Variants in SLC39A12 observed in about 807,000 individuals in gnomAD.
The protein encoded by SLC39A12 is zinc transporter ZIP12.
A neutral mutation model predicts 71.1 loss-of-function variants in SLC39A12; 63 were observed. The observed-to-expected ratio is 0.89, with a 90% CI of 0.72 to 1.09. The LOEUF (loss-of-function observed/expected upper bound fraction) is 1.09. SLC39A12 is among the 50% of genes least tolerant of loss of function. The probability of loss-of-function intolerance (pLI) is 0.00; values close to 1 mark genes in which losing one functional copy is unlikely to be tolerated. For missense variants in SLC39A12, 892 were observed against 812.6 expected, an observed-to-expected ratio of 1.10 and a Z score of -1.19; for synonymous variants, 351 against 301.3, an observed-to-expected ratio of 1.16 and a Z score of -1.71.
At chr10:17,995,626 T>C in intron 9 of SLC39A12, 30 bp from the exon 10 acceptor site, 1 of 1,598,038 alleles carries the variant, frequency 6.3e-7, no homozygotes, top group Non-Finnish European at 8.6e-7. Flanking sequence ...ATTACTTATC[T>C]TTCATCAGTT....
intron 7 of SLC39A12, among the ~76,000 whole-genome samples, chr10:17,989,604 A>G (rs996831305): frequency 6.2e-5 from 5 of 80,714 alleles, no homozygotes; most frequent in African/African-American, 1.9e-4. Context: ...AATTTTGTAG[A>G]CAGTTTTTTT....
chr10:18,041,873 G>GTA (rs979630923), intron 12 of SLC39A12, among the ~76,000 whole-genome samples: 1 of 146,760 alleles, frequency 6.8e-6, no homozygotes. Context: ...ATATGTATAT[G>GTA]TATATATATA....
chr10:17,970,382 G>A (rs1348924727), intron 4 of SLC39A12, among the ~76,000 whole-genome samples: 1 of 151,956 alleles, frequency 6.6e-6, no homozygotes, highest in Admixed American at 6.6e-5. Context: ...TGGAAAGTAT[G>A]GACATTTTAA....
chr10:18,035,704 G>A (rs1006436866), intron 12 of SLC39A12, among the ~76,000 whole-genome samples: 4 of 152,324 alleles, frequency 2.6e-5, no homozygotes, highest in East Asian at 1.9e-4. Flanking sequence ...ACTGCGTTCC[G>A]CTGGAGGAGG....
rs866191777 is a variant in SLC39A12, at chr10:17,976,830, T to C, written c.752-1072T>C. On this transcript the variant is annotated intron_variant, in intron 4 of 12. Coordinates refer to ENST00000377369, the MANE Select transcript of SLC39A12 (RefSeq NM_001145195.2). Reference sequence around the variant, plus strand: ...GTTTGATATGCTTCTTGAACACGTATGTTCAGGCTTTTACATCAGATTTTG... The same window carrying C: ...GTTTGATATGCTTCTTGAACACGTACGTTCAGGCTTTTACATCAGATTTTG... 2.4e-4 allele frequency among the ~76,000 whole-genome samples: 37 copies of C among 152,358 alleles called. No homozygotes were observed. The Middle Eastern group carries it at 0.02, about 84-fold the overall frequency.
At chr10:17,982,429 T>C (rs1488630142) in intron 6 of SLC39A12, among the ~76,000 whole-genome samples, 3 of 151,802 alleles carry the variant, frequency 2.0e-5, no homozygotes, top group African/African-American at 7.3e-5. Flanking sequence ...TTAGATGTAT[T>C]ATTTTCTCAG....
intron 2 of SLC39A12, among the ~76,000 whole-genome samples, chr10:17,958,039 C>G (rs1182077399): frequency 2.0e-5 from 3 of 152,094 alleles, no homozygotes; most frequent in Non-Finnish European, 4.4e-5. Context: ...AGCCAGAAAC[C>G]AATTGTACCT....
At chr10:18,008,888 AG>A (rs1221516926) in intron 12 of SLC39A12, among the ~76,000 whole-genome samples, 68 of 152,156 alleles carry the variant, frequency 4.5e-4, no homozygotes, top group African/African-American at 1.6e-3. Context: ...GTTCCGCCTA[AG>A]AAAATTCTCA....
At chr10:17,962,786 A>C (rs1484361389) in intron 3 of SLC39A12, among the ~76,000 whole-genome samples, 1 of 152,138 alleles carries the variant, frequency 6.6e-6, no homozygotes, top group East Asian at 1.9e-4. Flanking sequence ...GGACTTTGTG[A>C]CTTTCACATC....
At chr10:18,040,756 T>A (rs1837201164) in intron 12 of SLC39A12, among the ~76,000 whole-genome samples, 1 of 135,980 alleles carries the variant, frequency 7.4e-6, no homozygotes. Flanking sequence ...GCGATAAGAG[T>A]GAAACTCCAT....
intron 12 of SLC39A12, among the ~76,000 whole-genome samples, chr10:18,034,716 T>A (rs1056289704): frequency 3.4e-4 from 52 of 151,954 alleles, no homozygotes; most frequent in African/African-American, 1.2e-3. Flanking sequence ...ATTTTGCTTG[T>A]CAGTTGATGC....
At chr10:17,984,880 T>TA (rs1157475950) in intron 6 of SLC39A12, among the ~76,000 whole-genome samples, 3 of 152,190 alleles carry the variant, frequency 2.0e-5, no homozygotes, top group Non-Finnish European at 4.4e-5. Flanking sequence ...TCCATAGCAA[T>TA]GAAAATGTGG....
At chr10:17,957,933 C>G (rs948990534) in intron 2 of SLC39A12, among the ~76,000 whole-genome samples, 1 of 152,154 alleles carries the variant, frequency 6.6e-6, no homozygotes, top group Non-Finnish European at 1.5e-5. Flanking sequence ...CTCAAAAAAT[C>G]AAAGCAAATG....
At chr10:17,997,690 C>T (rs1217753940) in intron 10 of SLC39A12, among the ~76,000 whole-genome samples, 1 of 152,110 alleles carries the variant, frequency 6.6e-6, no homozygotes, top group Admixed American at 6.5e-5. Flanking sequence ...ACTCAACTGC[C>T]CCTTTGCCAG....
intron 12 of SLC39A12, among the ~76,000 whole-genome samples, chr10:18,033,661 T>C (rs1404477580): frequency 6.8e-6 from 1 of 146,314 alleles, no homozygotes; most frequent in Non-Finnish European, 1.5e-5. Context: ...TCAGTTCTGC[T>C]CTGATTTTAG....
At chr10:17,990,053 G>A (rs2148596) in intron 7 of SLC39A12, among the ~76,000 whole-genome samples, 46,102 of 152,104 alleles carry the variant, frequency 0.3, 8,078 homozygotes, top group Non-Finnish European at 0.4. Context: ...TGTTACTCAT[G>A]TGATTGCCTT....
At chr10:17,987,876 A>G (rs566194603) in intron 7 of SLC39A12, among the ~76,000 whole-genome samples, 1 of 152,222 alleles carries the variant, frequency 6.6e-6, no homozygotes, top group East Asian at 1.9e-4. Context: ...TTTTTGAAAT[A>G]AAACAAAGGA....
intron 9 of SLC39A12, among the ~76,000 whole-genome samples, chr10:17,994,927 G>A (rs1245949226): frequency 1.3e-5 from 2 of 151,848 alleles, no homozygotes; most frequent in Non-Finnish European, 2.9e-5. Context: ...CAGATAAAAA[G>A]TTTTTTTATA....
At chr10:18,012,917 G>A (rs1836269885) in intron 12 of SLC39A12, among the ~76,000 whole-genome samples, 2 of 150,512 alleles carry the variant, frequency 1.3e-5, no homozygotes, top group South Asian at 4.2e-4. Context: ...GGATTTGTTT[G>A]TGGTTGTTAA....
Sources: allele counts gnomAD v4.1 joint callset (sites outside exome capture counted in the v4.1 genomes callset), GRCh38; gene constraint gnomAD v4.1.1; transcripts MANE v1.5; gene names NCBI Gene and HGNC (gene_info 2026-07-23, HGNC 2026-07-21).